ARFGAP3: variants seen among roughly 807,000 people sequenced by gnomAD.
The protein encoded by ARFGAP3 is ADP-ribosylation factor GTPase-activating protein 3.
Under a neutral mutation model 75.0 loss-of-function variants are expected in ARFGAP3, and 72 were observed. The observed-to-expected ratio is 0.96, with a 90% CI of 0.79 to 1.17. The LOEUF is 1.17. ARFGAP3 is among the 50% of genes most tolerant of loss of function. The probability of loss-of-function intolerance (pLI) is 0.00; values close to 1 mark genes in which losing one functional copy is unlikely to be tolerated. For synonymous variants in ARFGAP3, 221 were observed against 217.9 expected (o/e 1.01, Z -0.13); for missense variants, 620 against 626.6 (o/e 0.99, Z 0.11).
At chr22:42,808,418 ATCTATGTGCT>A (rs1419196326) in intron 13 of ARFGAP3, among the ~76,000 whole-genome samples, 1 of 151,936 alleles carries the variant, frequency 6.6e-6, no homozygotes, top group African/African-American at 2.4e-5. Flanking sequence ...AAAGAAACAT[ATCTATGTGCT>A]TCATTTCACT....
At chr22:42,822,159 A>C in intron 9 of ARFGAP3, 111 bp downstream of exon 9, 1 of 836,826 alleles carries the variant, frequency 1.2e-6, no homozygotes, top group Non-Finnish European at 1.9e-6. Context: ...TGAATTTTGC[A>C]GTACCCTCCC....
chr22:42,808,661 T>C, intron 13 of ARFGAP3, 106 bp downstream of exon 13: 1 of 917,058 alleles, frequency 1.1e-6, no homozygotes. Context: ...AGAGGGCATC[T>C]GGCAGCCTGA....
intron 12 of ARFGAP3, among the ~76,000 whole-genome samples, chr22:42,810,033 G>C (rs537644511): frequency 6.7e-6 from 1 of 149,322 alleles, no homozygotes; most frequent in South Asian, 2.1e-4. Flanking sequence ...AAAAAATTGG[G>C]GAAAAAGGTG....
In ARFGAP3 at chr22:42,816,629, G is replaced by A. The variant is rs117585418; in HGVS notation, c.1064+513C>T. 8.8e-3 allele frequency among the ~76,000 whole-genome samples: 1,338 copies of A among 152,336 alleles called. 18 individuals carry two copies. The highest frequency in any genetic ancestry group is 0.051 in the Middle Eastern group (15 of 294). ...GCATTTTGTCTCAATAAGATAGTGA[G>A]TGCTGAAGGAGAGAAACCTAGGCTT... On this transcript the variant is annotated intron_variant, in intron 11 of 15. Transcript: ENST00000263245.
At chr22:42,829,263 T>C (rs1273465618) in intron 6 of ARFGAP3, among the ~76,000 whole-genome samples, 2 of 152,194 alleles carry the variant, frequency 1.3e-5, no homozygotes, top group Non-Finnish European at 2.9e-5. Flanking sequence ...GAACTGGTGT[T>C]TGCTATGCTA....
chr22:42,848,237 C>G (rs1167669062), intron 1 of ARFGAP3, among the ~76,000 whole-genome samples: 1 of 150,330 alleles, frequency 6.7e-6, no homozygotes, highest in Non-Finnish European at 1.5e-5. Flanking sequence ...GAGACGGAGT[C>G]TCGCTCTGTC....
At chr22:42,814,746 CTTTT>C (rs1221489259) in intron 11 of ARFGAP3, among the ~76,000 whole-genome samples, 1 of 151,868 alleles carries the variant, frequency 6.6e-6, no homozygotes, top group Admixed American at 6.6e-5. Context: ...GAAACTTTCT[CTTTT>C]TTTTGAGAGA....
chr22:42,810,113 C>A lies in ARFGAP3; in HGVS notation c.1196+700G>T, dbSNP rs1166546462. Among the ~76,000 whole-genome samples the A allele has an allele frequency of 2.6e-5, 4 of 151,930 alleles. 1 individual carries two copies. The highest frequency in any genetic ancestry group is 9.7e-5 in the African/African-American group (4 of 41,338). On this transcript the variant is annotated intron_variant, in intron 12 of 15. Transcript: ENST00000263245. ...TTCAGGGAAGAGGACTCCACACACACATTTCTTTCAAGGTCCACAGAGGAT... is the reference window on the plus strand; with the variant it reads ...TTCAGGGAAGAGGACTCCACACACAAATTTCTTTCAAGGTCCACAGAGGAT...
At chr22:42,819,405 T>C (rs1406299751) in intron 9 of ARFGAP3, among the ~76,000 whole-genome samples, 1 of 152,244 alleles carries the variant, frequency 6.6e-6, no homozygotes, top group Non-Finnish European at 1.5e-5. Flanking sequence ...AAAGTTTTCC[T>C]TCCTAGGTAA....
chr22:42,839,857 GATTATTTTTATTTATAATAAAAT>G (rs1926702355), intron 3 of ARFGAP3, among the ~76,000 whole-genome samples: 1 of 151,998 alleles, frequency 6.6e-6, no homozygotes, highest in Non-Finnish European at 1.5e-5. Context: ...AGGGGATCTT[GATTATTTTTATTTATAATAAAAT>G]ATCCCCTATA....
chr22:42,815,614 T>TAC (rs1429201135), intron 11 of ARFGAP3, among the ~76,000 whole-genome samples: 1 of 152,120 alleles, frequency 6.6e-6, no homozygotes, highest in Non-Finnish European at 1.5e-5. Flanking sequence ...TGTGTATATA[T>TAC]ACACACACAC....
At chr22:42,830,435 C>T (rs976385924) in intron 6 of ARFGAP3, among the ~76,000 whole-genome samples, 2 of 152,178 alleles carry the variant, frequency 1.3e-5, no homozygotes, top group Non-Finnish European at 1.5e-5. Flanking sequence ...ACCCAACCCG[C>T]GGTTGGTGAC....
chr22:42,807,686 A>C (rs1214635809), intron 13 of ARFGAP3, among the ~76,000 whole-genome samples: 4 of 152,184 alleles, frequency 2.6e-5, no homozygotes, highest in African/African-American at 9.7e-5. Context: ...TCATCCAAAT[A>C]GTCAGAGGCA....
intron 3 of ARFGAP3, among the ~76,000 whole-genome samples, chr22:42,838,730 T>C (rs956247499): frequency 2.0e-5 from 3 of 152,320 alleles, no homozygotes; most frequent in Admixed American, 2.0e-4. Context: ...GTGCAAGATT[T>C]GGCTGGCTAG....
intron 1 of ARFGAP3, among the ~76,000 whole-genome samples, chr22:42,850,974 C>T (rs145115521): frequency 6.6e-6 from 1 of 152,334 alleles, no homozygotes; most frequent in African/African-American, 2.4e-5. Context: ...AATTCAAACG[C>T]CCTGTGGTGA....
intron 7 of ARFGAP3, 108 bp downstream of exon 7, chr22:42,826,832 T>C (rs1926060290): frequency 3.9e-6 from 3 of 778,778 alleles, no homozygotes; most frequent in East Asian, 2.7e-5. Context: ...TCGGTCATGA[T>C]TATATTACTC....
intron 12 of ARFGAP3, 112 bp downstream of exon 12, chr22:42,810,701 G>A (rs544894383): frequency 1.1e-5 from 10 of 883,246 alleles, no homozygotes; most frequent in African/African-American, 1.7e-5. Context: ...TTATGGGAAT[G>A]AGCCGCCGTG....
intron 5 of ARFGAP3, among the ~76,000 whole-genome samples, chr22:42,833,920 A>G (rs747155589): frequency 6.6e-6 from 1 of 152,208 alleles, no homozygotes; most frequent in East Asian, 1.9e-4. Flanking sequence ...AGTCCCCCCA[A>G]AAATAAATAA....
chr22:42,831,263 G>A (rs1252741110), intron 6 of ARFGAP3, among the ~76,000 whole-genome samples: 2 of 148,310 alleles, frequency 1.3e-5, no homozygotes, highest in African/African-American at 2.5e-5. Context: ...CTCCAGCCTC[G>A]GCTACAGAGC....
Sources: allele counts gnomAD v4.1 joint callset (sites outside exome capture counted in the v4.1 genomes callset), GRCh38; gene constraint gnomAD v4.1.1; transcripts MANE v1.5; gene names NCBI Gene and HGNC (gene_info 2026-07-23, HGNC 2026-07-21).